COBLL1: variants seen among roughly 807,000 people sequenced by gnomAD.
The protein encoded by COBLL1 is cordon-bleu WH2 repeat protein like 1, also known as cordon-bleu protein-like 1.
In COBLL1, 50 loss-of-function variants were observed where a neutral mutation model predicts 94.8. The ratio of observed to expected loss-of-function variants is 0.53; its 90% confidence interval spans 0.42 to 0.67. The LOEUF (loss-of-function observed/expected upper bound fraction) is 0.67. COBLL1 is among the 30% of genes least tolerant of loss of function. The pLI, the probability that COBLL1 is intolerant of heterozygous loss-of-function variation, is 0.00. For missense variants in COBLL1, 1,362 were observed against 1,348.7 expected (o/e 1.01, Z -0.15); for synonymous variants, 448 against 473.8 (o/e 0.95, Z 0.71).
Position 164,683,757 on chromosome 2 carries a change from CTT to C in COBLL1, c.*2187_*2188del, listed in dbSNP as rs1321039886. On this transcript the variant is annotated 3_prime_UTR_variant, in exon 14 of 14. Coordinates refer to ENST00000652658, the MANE Select transcript of COBLL1 (RefSeq NM_001365672.2). The stretch of plus-strand genomic sequence containing the variant: ...AACACGACTTGTTCCACCACTCACT[CTT>C]GTCACTTGTTTTTGAGATGTATTCA... The C allele has an allele frequency of 6.6e-6, 1 of 152,112 alleles. No individual in the cohort carries two copies. Among genetic ancestry groups the C allele is most frequent in the Non-Finnish European group, 1.5e-5 (1 of 68,006 alleles). The allele number at this position is 152,112 out of a possible 1,614,324, so 9.4% of individuals were successfully genotyped here.
rs1177928991 is a variant in COBLL1, at chr2:164,685,986, A to C, written c.3347T>G (p.Leu1116Arg). 5 of 1,610,226 alleles carry C rather than the reference A, an allele frequency of 3.1e-6. No individual in the cohort carries two copies. The South Asian group carries it at 4.4e-5, about 14-fold the overall frequency. Residue 1116 changes from leucine (L) to arginine (R), a missense_variant, in exon 14 of 14, where the codon CTC (leucine) becomes CGC (arginine). Physicochemically the swap from Leu to Arg is moderately radical, Grantham distance 102 (BLOSUM62 -2). Transcript: ENST00000652658. ...NTISVNGRSRLSHSMSPDAQD... is the reference protein window; with the variant it reads ...NTISVNGRSRRSHSMSPDAQD... Reference sequence around the variant, plus strand: ...GGCATCAGGGGACATGGAATGGCTGAGTCTTGACCTTCCATTCACAGATAT... The same window carrying C: ...GGCATCAGGGGACATGGAATGGCTGCGTCTTGACCTTCCATTCACAGATAT...
chr2:164,827,000 G>A (rs907694905), intron 2 of COBLL1, among the ~76,000 whole-genome samples: 4 of 151,802 alleles, frequency 2.6e-5, no homozygotes, highest in Non-Finnish European at 4.4e-5. Flanking sequence ...ACCCAGGCTA[G>A]AGTGCAGTGG....
At position 164,773,863 on chromosome 2, in the gene COBLL1, A is replaced by G. The variant is rs182330465; in HGVS notation, c.42-29988T>C. On this transcript the variant is annotated intron_variant, in intron 2 of 13. Coordinates refer to ENST00000652658, the MANE Select transcript of COBLL1 (RefSeq NM_001365672.2). ...CTTACCTCTGGCAAATATGTAAAAGAAGGAATTCACTGGTCTTATCCAATC... is the reference window on the plus strand; with the variant it reads ...CTTACCTCTGGCAAATATGTAAAAGGAGGAATTCACTGGTCTTATCCAATC... The G allele has an allele frequency of 2.7e-5, 13 of 477,162 alleles. No individual in the cohort carries two copies. The East Asian group carries it at 1.4e-3, about 53-fold the overall frequency. 29.6% of individuals were successfully genotyped at this position (477,162 alleles called of 1,614,324 possible).
In COBLL1 at chr2:164,722,273, G is replaced by A. The variant is rs1685487341; in HGVS notation, c.798C>T (p.His266=). 1.9e-6 allele frequency: 3 copies of A among 1,613,908 alleles called. No individual in the cohort carries two copies. Among genetic ancestry groups the A allele is most frequent in the Non-Finnish European group, 2.5e-6 (3 of 1,179,974 alleles). Residue 266 remains histidine, a synonymous_variant, in exon 7 of 14, where the codon CAC becomes CAT. Coordinates refer to ENST00000652658, the MANE Select transcript of COBLL1 (RefSeq NM_001365672.2). ...TATTGGACCTTGTAAAAGTTGGGCG[G>A]TGCTTATTTACTAGAGGGGTTGCAG... ...SAPATPLVNK[H]RPTFTRSNTI...
At chr2:164,799,036 A>T (rs1683626710) in intron 2 of COBLL1, among the ~76,000 whole-genome samples, 1 of 148,676 alleles carries the variant, frequency 6.7e-6, no homozygotes, top group Non-Finnish European at 1.5e-5. Context: ...AAAAAAAAAA[A>T]AAGAGGGGGT....
intron 2 of COBLL1, among the ~76,000 whole-genome samples, chr2:164,812,357 A>T (rs761216202): frequency 6.6e-6 from 1 of 152,032 alleles, no homozygotes; most frequent in African/African-American, 2.4e-5. Context: ...TGCTAGGTAC[A>T]TAGTGAAGTA....
chr2:164,736,894 G>C (rs1165370153), intron 3 of COBLL1, among the ~76,000 whole-genome samples: 1 of 152,230 alleles, frequency 6.6e-6, no homozygotes, highest in Non-Finnish European at 1.5e-5. Context: ...AATGTTAGAA[G>C]TTGCAATCTG....
At chr2:164,735,328 G>C (rs1304371142) in intron 3 of COBLL1, among the ~76,000 whole-genome samples, 1 of 152,212 alleles carries the variant, frequency 6.6e-6, no homozygotes, top group Non-Finnish European at 1.5e-5. Flanking sequence ...TGAAAGCTCT[G>C]TTGTTTTTTA....
At chr2:164,770,235 T>C (rs1169876187) in intron 2 of COBLL1, among the ~76,000 whole-genome samples, 1 of 152,072 alleles carries the variant, frequency 6.6e-6, no homozygotes, top group East Asian at 1.9e-4. Flanking sequence ...ATGCCGTATC[T>C]GTGTGCCCAG....
chr2:164,763,904 T>C (rs916534316), intron 2 of COBLL1, among the ~76,000 whole-genome samples: 5 of 152,256 alleles, frequency 3.3e-5, no homozygotes, highest in African/African-American at 1.2e-4. Context: ...CTTTTCTTTT[T>C]CTTTATGTTT....
intron 2 of COBLL1, among the ~76,000 whole-genome samples, chr2:164,768,891 A>G (rs1469287019): frequency 6.6e-6 from 1 of 152,190 alleles, no homozygotes; most frequent in Non-Finnish European, 1.5e-5. Context: ...AAATCTGTTT[A>G]CACACTAAAT....
At position 164,694,273 on chromosome 2, in the gene COBLL1, T is replaced by A; in HGVS notation, c.3119A>T (p.Asp1040Val). Reference sequence around the variant, plus strand: ...TTTTAAAAAGGCTACAGTTACCTTATCAGACACACCAAGCTGTGGGATGTC... The same window carrying A: ...TTTTAAAAAGGCTACAGTTACCTTAACAGACACACCAAGCTGTGGGATGTC... ...FVDIPQLGVS[D>V]KENNSAHNEQ... The change falls in exon 12 of 14, where the codon GAT (aspartate) becomes GTT (valine). Residue 1040 changes from aspartate to valine, a missense_variant. By Grantham distance (152) the Asp-to-Val change is radical (BLOSUM62 -3). Coordinates refer to ENST00000652658, the MANE Select transcript of COBLL1 (RefSeq NM_001365672.2). The A allele has an allele frequency of 2.5e-6, 4 of 1,612,398 alleles. No individual in the cohort carries two copies. The highest frequency in any genetic ancestry group is 3.4e-6 in the Non-Finnish European group (4 of 1,179,090).
chr2:164,727,026 G>T, intron 5 of COBLL1: 1 of 713,786 alleles, frequency 1.4e-6, no homozygotes, highest in Non-Finnish European at 2.3e-6. Context: ...GTGATGTTAA[G>T]AAAGGGTAAA....
chr2:164,711,917 T>C lies in COBLL1; in HGVS notation c.997-6812A>G, dbSNP rs548181496. ...CACTGATAAGTCTGCTTGCCATTAA[T>C]GAAAACTGCACTTCTAACAGGAATG... On this transcript the variant is annotated intron_variant, in intron 7 of 13. Coordinates refer to ENST00000652658, the MANE Select transcript of COBLL1 (RefSeq NM_001365672.2). Among the ~76,000 whole-genome samples the C allele has an allele frequency of 2.6e-5, 4 of 152,302 alleles. No individual in the cohort carries two copies. The South Asian group carries it at 8.3e-4, about 32-fold the overall frequency.
chr2:164,729,893 A>C (rs947985369), intron 4 of COBLL1, 21 bp downstream of exon 4: 30 of 1,589,624 alleles, frequency 1.9e-5, no homozygotes, highest in Non-Finnish European at 2.6e-5. Flanking sequence ...AAGACATCAA[A>C]ATATATAATG....
chr2:164,787,895 T>C (rs953971435), intron 2 of COBLL1, among the ~76,000 whole-genome samples: 6 of 152,220 alleles, frequency 3.9e-5, no homozygotes, highest in African/African-American at 1.4e-4. Context: ...TTTTATGACT[T>C]GGTTTTCTAA....
At chr2:164,773,494 A>G (rs1688309048) in intron 2 of COBLL1, among the ~76,000 whole-genome samples, 2 of 152,138 alleles carry the variant, frequency 1.3e-5, no homozygotes, top group Admixed American at 1.3e-4. Flanking sequence ...CATTAAGAAA[A>G]AAATTCTGTA....
intron 13 of COBLL1, among the ~76,000 whole-genome samples, chr2:164,689,652 A>G (rs911199174): frequency 6.6e-6 from 1 of 152,188 alleles, no homozygotes; most frequent in Admixed American, 6.6e-5. Flanking sequence ...ATGTCAAGAG[A>G]AAAAATACCT....
chr2:164,707,261 C>G (rs1305093630), intron 7 of COBLL1, among the ~76,000 whole-genome samples: 1 of 152,162 alleles, frequency 6.6e-6, no homozygotes, highest in African/African-American at 2.4e-5. Context: ...ATGCCTCAGC[C>G]TCCTGAGTAG....
Sources: allele counts gnomAD v4.1 joint callset (sites outside exome capture counted in the v4.1 genomes callset), GRCh38; gene constraint gnomAD v4.1.1; transcripts MANE v1.5; gene names NCBI Gene and HGNC (gene_info 2026-07-23, HGNC 2026-07-21).